The following GAS2 variants were observed in gnomAD, a reference collection of about 807,000 sequenced individuals.
The protein encoded by GAS2 is growth arrest specific 2.
Under a neutral mutation model 37.5 loss-of-function variants are expected in GAS2, and 20 were observed. The ratio of observed to expected loss-of-function variants is 0.53; its 90% CI spans 0.37 to 0.77. The LOEUF (loss-of-function observed/expected upper bound fraction) is 0.77. Among genes scored for constraint, GAS2 ranks in the 30% least tolerant of loss-of-function variants. The pLI is 0.00. For synonymous variants in GAS2, 144 were observed against 132.2 expected (o/e 1.09, Z -0.61); for missense variants, 336 against 373.4 (o/e 0.90, Z 0.82).
intron 3 of GAS2, among the ~76,000 whole-genome samples, chr11:22,706,165 A>T (rs905425044): frequency 3.3e-5 from 5 of 151,984 alleles, no homozygotes; most frequent in Non-Finnish European, 7.4e-5. Flanking sequence ...AGCATGATAG[A>T]CTCCTTTAAA....
intron 1 of GAS2, 102 bp from the exon 2 acceptor site, chr11:22,674,748 C>T (rs1190522583): frequency 4.8e-6 from 4 of 828,278 alleles, no homozygotes; most frequent in Non-Finnish European, 7.3e-6. Context: ...ACTGAACTGT[C>T]ATCAGAAAAC....
At chr11:22,743,095 A>G (rs1853182419) in intron 5 of GAS2, among the ~76,000 whole-genome samples, 1 of 152,080 alleles carries the variant, frequency 6.6e-6, no homozygotes, top group South Asian at 2.1e-4. Flanking sequence ...TTGCTTGACA[A>G]ATTTTACCCA....
intron 7 of GAS2, among the ~76,000 whole-genome samples, chr11:22,804,703 A>G (rs939498132): frequency 3.3e-5 from 5 of 152,128 alleles, no homozygotes; most frequent in African/African-American, 9.6e-5. Context: ...GGAGTAAATG[A>G]TAAGTGTAGA....
intron 1 of GAS2, among the ~76,000 whole-genome samples, chr11:22,651,087 T>C (rs1319789287): frequency 4.6e-5 from 7 of 152,186 alleles, no homozygotes; most frequent in African/African-American, 1.7e-4. Flanking sequence ...TAGCACTTCC[T>C]TCAGGAGCTC....
Position 22,718,354 on chromosome 11 carries a change from G to A in GAS2, c.268-7938G>A, listed in dbSNP as rs187361310. On this transcript the variant is annotated intron_variant, in intron 3 of 7. Transcript: ENST00000454584. ...AGTCATAAAATGGAATGAAATAATG[G>A]CATTCACAGCAACCTGAATAGAGTT... Among the ~76,000 whole-genome samples the A allele has an allele frequency of 9.9e-5, 15 of 152,062 alleles. No individual in the cohort carries two copies. The East Asian group carries it at 2.7e-3, about 27-fold the overall frequency.
intron 2 of GAS2, among the ~76,000 whole-genome samples, chr11:22,684,180 G>T (rs546393412): frequency 2.2e-4 from 33 of 152,296 alleles, no homozygotes; most frequent in African/African-American, 7.7e-4. Flanking sequence ...AGGGATGTTA[G>T]ATGGGAAAGA....
Position 22,749,104 on chromosome 11 carries a change from C to A in GAS2, c.474-16C>A, listed in dbSNP as rs1174095769. 3 of 1,602,130 alleles carry A rather than the reference C, an allele frequency of 1.9e-6. No individual in the cohort carries two copies. Among genetic ancestry groups the A allele is most frequent in the Non-Finnish European group, 2.6e-6 (3 of 1,174,926 alleles). On this transcript the variant is annotated splice_polypyrimidine_tract_variant and intron_variant, in intron 5 of 7. Coordinates refer to ENST00000454584, the MANE Select transcript of GAS2 (RefSeq NM_001143830.3). Reference sequence around the variant, plus strand: ...TATAAGTTATGCATATGTAATGATCCAGGGTCTTTTTAAAGGTATGGTGTG... The same window carrying A: ...TATAAGTTATGCATATGTAATGATCAAGGGTCTTTTTAAAGGTATGGTGTG...
At chr11:22,702,708 C>T (rs1159426455) in intron 3 of GAS2, 1 of 152,136 alleles carries the variant, frequency 6.6e-6, no homozygotes, top group African/African-American at 2.4e-5. Context: ...TTTCCCCAAT[C>T]TTAATGTTCT....
At position 22,651,874 on chromosome 11, in the gene GAS2, A is replaced by T. The variant is rs558153276; in HGVS notation, c.-20-22976A>T. On this transcript the variant is annotated intron_variant, in intron 1 of 5. Transcript: ENST00000528582. ...TTGCCTTTGGTTTGAATTTCCTCCCACAGCTCGGAGTAATTTGATCATCTG... is the reference window on the plus strand; with the variant it reads ...TTGCCTTTGGTTTGAATTTCCTCCCTCAGCTCGGAGTAATTTGATCATCTG... Among the ~76,000 whole-genome samples, 566 of 152,142 alleles carry T rather than the reference A, an allele frequency of 3.7e-3. 13 individuals carry two copies. In the East Asian group the frequency reaches 0.076, roughly 20 times the overall value.
chr11:22,805,529 C>T (rs905050560), intron 7 of GAS2, among the ~76,000 whole-genome samples: 1 of 152,034 alleles, frequency 6.6e-6, no homozygotes. Context: ...TCCTATCACC[C>T]TCACCCACCA....
chr11:22,664,411 T>C (rs554465661), upstream of GAS2, among the ~76,000 whole-genome samples: 56 of 152,280 alleles, frequency 3.7e-4, 1 homozygote, highest in South Asian at 3.3e-3. Flanking sequence ...TTTGAGACAA[T>C]GTTGAAAGTT....
chr11:22,696,889 A>G (rs1421956510), intron 3 of GAS2, among the ~76,000 whole-genome samples: 13 of 145,610 alleles, frequency 8.9e-5, no homozygotes, highest in East Asian at 6.3e-4. Flanking sequence ...CCCATTTTGT[A>G]GGTTGCCTGT....
At chr11:22,783,096 G>C (rs4604881) in intron 7 of GAS2, among the ~76,000 whole-genome samples, 82,013 of 151,818 alleles carry the variant, frequency 0.54, 22,430 homozygotes, top group East Asian at 0.6. Context: ...TTCTCTGCAG[G>C]CTTGCCAACG....
At chr11:22,742,465 C>G (rs1442700461) in intron 5 of GAS2, among the ~76,000 whole-genome samples, 1 of 152,048 alleles carries the variant, frequency 6.6e-6, no homozygotes, top group Non-Finnish European at 1.5e-5. Flanking sequence ...GCCCCCAACC[C>G]AAAGGGAATT....
intron 2 of GAS2, among the ~76,000 whole-genome samples, chr11:22,685,335 G>A (rs1849888584): frequency 1.3e-5 from 2 of 152,190 alleles, no homozygotes; most frequent in Admixed American, 1.3e-4. Flanking sequence ...CACTGGTAAA[G>A]CTGGTTCTTT....
intron 7 of GAS2, among the ~76,000 whole-genome samples, chr11:22,806,906 C>T (rs527473346): frequency 6.3e-4 from 96 of 152,228 alleles, no homozygotes; most frequent in African/African-American, 2.3e-3. Context: ...TAATGGATTC[C>T]ACAATTACTC....
At chr11:22,756,765 G>A (rs541368711) in intron 7 of GAS2, among the ~76,000 whole-genome samples, 3 of 152,108 alleles carry the variant, frequency 2.0e-5, no homozygotes, top group African/African-American at 7.2e-5. Context: ...TAAATTTCCA[G>A]GAAATAATTG....
chr11:22,689,889 A>G (rs961213523), intron 3 of GAS2, among the ~76,000 whole-genome samples: 2 of 152,340 alleles, frequency 1.3e-5, no homozygotes, highest in South Asian at 2.1e-4. Context: ...TTTGGAGTTC[A>G]GAAAAAATGG....
At chr11:22,785,071 T>C (rs1326559638) in intron 7 of GAS2, among the ~76,000 whole-genome samples, 3 of 152,078 alleles carry the variant, frequency 2.0e-5, no homozygotes, top group Admixed American at 2.0e-4. Context: ...ATATTCCAAA[T>C]GTAGAGATTC....
Sources: gnomAD v4.1 joint callset for allele counts (sites outside exome capture counted in the v4.1 genomes callset) on GRCh38, gnomAD v4.1.1 for gene constraint, MANE v1.5 for transcripts, NCBI Gene and HGNC (gene_info 2026-07-23, HGNC 2026-07-21) for gene names.